Variants in GPC5 observed in about 807,000 individuals in gnomAD.
GPC5 encodes the protein glypican-5.
In GPC5, 47 loss-of-function variants were observed where a neutral mutation model predicts 53.9. The observed-to-expected ratio is 0.87, with a 90% confidence interval of 0.69 to 1.11. The LOEUF is 1.11. Among genes scored for constraint, GPC5 ranks in the 50% most tolerant of loss-of-function variants. The pLI is 0.00. For synonymous variants in GPC5, 286 were observed against 263.3 expected, an observed-to-expected ratio of 1.09 and a Z score of -0.84; for missense variants, 748 against 713.1, an observed-to-expected ratio of 1.05 and a Z score of -0.56.
At chr13:92,266,741 C>T (rs1318175886) in intron 7 of GPC5, among the ~76,000 whole-genome samples, 1 of 152,118 alleles carries the variant, frequency 6.6e-6, no homozygotes, top group African/African-American at 2.4e-5. Flanking sequence ...GCAGAAATAA[C>T]ATTTTTGGCG....
At chr13:92,716,873 G>A (rs1267995888) in intron 7 of GPC5, among the ~76,000 whole-genome samples, 2 of 152,074 alleles carry the variant, frequency 1.3e-5, no homozygotes, top group East Asian at 1.9e-4. Context: ...TAGGGAATGT[G>A]GACATGAAAT....
intron 5 of GPC5, among the ~76,000 whole-genome samples, chr13:91,820,855 C>T (rs910040937): frequency 9.2e-5 from 14 of 151,826 alleles, no homozygotes; most frequent in African/African-American, 3.1e-4. Context: ...CACAGCTACT[C>T]GGGAGGCTGA....
chr13:92,857,998 C>T (rs964421001), intron 7 of GPC5, among the ~76,000 whole-genome samples: 1 of 152,066 alleles, frequency 6.6e-6, no homozygotes, highest in Non-Finnish European at 1.5e-5. Flanking sequence ...ATTGTTCTAC[C>T]AAAAAGTCAC....
chr13:92,276,124 A>G (rs2042873409), intron 7 of GPC5, among the ~76,000 whole-genome samples: 1 of 152,108 alleles, frequency 6.6e-6, no homozygotes, highest in Non-Finnish European at 1.5e-5. Flanking sequence ...GTCAGCTTCC[A>G]GTGTGTGTGT....
intron 7 of GPC5, among the ~76,000 whole-genome samples, chr13:92,560,857 A>ATGTGTGTG (rs34114433): frequency 0.16 from 22,827 of 139,012 alleles, 2,157 homozygotes; most frequent in East Asian, 0.31. Context: ...AGAAAATTAT[A>ATGTGTGTG]TGTGTGTGTG....
At chr13:92,428,018 T>C (rs1362728308) in intron 7 of GPC5, among the ~76,000 whole-genome samples, 1 of 152,176 alleles carries the variant, frequency 6.6e-6, no homozygotes. Context: ...GTTTTCCACT[T>C]GCATGTTTTA....
chr13:92,173,006 T>C (rs2139024305), intron 7 of GPC5, among the ~76,000 whole-genome samples: 1 of 101,636 alleles, frequency 9.8e-6, no homozygotes, highest in Admixed American at 1.0e-4. Context: ...CGAGCAACTC[T>C]TAAGTCTTAT....
chr13:92,523,863 A>G (rs1437819671), intron 7 of GPC5, among the ~76,000 whole-genome samples: 1 of 152,110 alleles, frequency 6.6e-6, no homozygotes, highest in African/African-American at 2.4e-5. Context: ...AGATTATACT[A>G]TAGTCAATTA....
intron 1 of GPC5, among the ~76,000 whole-genome samples, chr13:91,422,372 A>G (rs2138988552): frequency 6.6e-6 from 1 of 152,330 alleles, no homozygotes; most frequent in East Asian, 1.9e-4. Context: ...ATGGTGGCTC[A>G]TGCCTGTAAT....
intron 7 of GPC5, among the ~76,000 whole-genome samples, chr13:92,332,289 A>G (rs2043293217): frequency 6.6e-6 from 1 of 152,182 alleles, no homozygotes; most frequent in Non-Finnish European, 1.5e-5. Context: ...GACTAGAATA[A>G]ACAAACTGAG....
intron 6 of GPC5, among the ~76,000 whole-genome samples, chr13:92,117,400 T>C (rs2041609891): frequency 6.6e-6 from 1 of 152,222 alleles, no homozygotes; most frequent in Admixed American, 6.5e-5. Flanking sequence ...AAAATAACTG[T>C]TAAATCACAT....
chr13:92,125,939 T>G (rs1253713522), intron 6 of GPC5, among the ~76,000 whole-genome samples: 44 of 21,768 alleles, frequency 2.0e-3, no homozygotes, highest in Admixed American at 4.1e-3. Context: ...TTTTTTTTTT[T>G]TTTTTTTTTT....
intron 2 of GPC5, among the ~76,000 whole-genome samples, chr13:91,525,435 T>C (rs1886040583): frequency 6.6e-6 from 1 of 152,246 alleles, no homozygotes; most frequent in East Asian, 1.9e-4. Flanking sequence ...TGATTAATTA[T>C]GTTCAATATT....
At chr13:91,984,499 CT>C (rs1422231607) in intron 6 of GPC5, among the ~76,000 whole-genome samples, 16 of 152,148 alleles carry the variant, frequency 1.1e-4, no homozygotes, top group Non-Finnish European at 1.9e-4. Flanking sequence ...TAGGGTTGTA[CT>C]GCAAAGAGCA....
chr13:91,954,168 C>T (rs1400236915), intron 6 of GPC5, among the ~76,000 whole-genome samples: 2 of 152,020 alleles, frequency 1.3e-5, no homozygotes, highest in African/African-American at 4.8e-5. Context: ...TTTAGGAAGG[C>T]ATGACATCGT....
intron 7 of GPC5, among the ~76,000 whole-genome samples, chr13:92,530,606 A>G (rs1164837820): frequency 6.6e-6 from 1 of 152,166 alleles, no homozygotes; most frequent in Non-Finnish European, 1.5e-5. Flanking sequence ...CTACTTGTGT[A>G]CCGAAGAGGA....
chr13:91,967,931 A>G (rs796682256), intron 6 of GPC5, among the ~76,000 whole-genome samples: 1 of 151,760 alleles, frequency 6.6e-6, no homozygotes, highest in African/African-American at 2.4e-5. Context: ...GGAATTCAAT[A>G]TTTTTAAAAT....
intron 7 of GPC5, among the ~76,000 whole-genome samples, chr13:92,207,505 C>A (rs1478730958): frequency 6.6e-6 from 1 of 152,150 alleles, no homozygotes; most frequent in Admixed American, 6.5e-5. Flanking sequence ...TTTCCCTCCA[C>A]CATAATATAG....
At chr13:92,078,417 T>C (rs555954246) in intron 6 of GPC5, among the ~76,000 whole-genome samples, 20 of 152,336 alleles carry the variant, frequency 1.3e-4, no homozygotes, top group African/African-American at 4.8e-4. Context: ...TCCTGTAAAG[T>C]GATAGGCCTG....
Sources: gnomAD v4.1 joint callset for allele counts (sites outside exome capture counted in the v4.1 genomes callset) on GRCh38, gnomAD v4.1.1 for gene constraint, MANE v1.5 for transcripts, NCBI Gene and HGNC (gene_info 2026-07-23, HGNC 2026-07-21) for gene names.